PCDH11Y: variants seen among roughly 807,000 people sequenced by gnomAD.
PCDH11Y encodes protocadherin 11 Y-linked.
For missense variants in PCDH11Y, 12 were observed against 224.8 expected, an observed-to-expected ratio of 0.05 and a Z score of 6.05; for synonymous variants, 9 against 83.6, an observed-to-expected ratio of 0.11 and a Z score of 4.87.
chrY:5,237,337 A>G (rs2052976464), intron 2 of PCDH11Y, among the ~76,000 whole-genome samples: 1 of 33,396 alleles, frequency 3.0e-5, no homozygotes, highest in Non-Finnish European at 7.4e-5. Flanking sequence ...TAAAACGAAT[A>G]TTCAAAAAAG....
chrY:5,507,603 T>C, intron 3 of PCDH11Y, among the ~76,000 whole-genome samples: 1 of 32,672 alleles, frequency 3.1e-5, no homozygotes, highest in Non-Finnish European at 7.6e-5. Context: ...TAATATGGAT[T>C]AGATAGAGGT....
intron 3 of PCDH11Y, among the ~76,000 whole-genome samples, chrY:5,032,984 T>A: frequency 3.1e-5 from 1 of 32,398 alleles, no homozygotes; most frequent in Non-Finnish European, 7.6e-5. Context: ...TAAGCATAAT[T>A]TACCTAGATT....
intron 2 of PCDH11Y, among the ~76,000 whole-genome samples, chrY:5,392,440 A>AT (rs2053222472): frequency 3.0e-5 from 1 of 33,161 alleles, no homozygotes; most frequent in South Asian, 6.6e-4. Context: ...GTGCAAAAAA[A>AT]CAGGCAAACT....
rs530095807 is a variant in PCDH11Y at position 5,474,988 on chromosome Y, A to G, written c.3130-26069A>G. ...TATTGTTCATTGTTAGTGTTTAGAAACCTAACTGATTTTTAGGTTCTGATT... is the reference window on the plus strand; with the variant it reads ...TATTGTTCATTGTTAGTGTTTAGAAGCCTAACTGATTTTTAGGTTCTGATT... On this transcript the variant is annotated intron_variant, in intron 2 of 4. Transcript: ENST00000400457. Among the ~76,000 whole-genome samples, 189 of 32,501 alleles carry G rather than the reference A, an allele frequency of 5.8e-3. No homozygotes were observed. The South Asian group carries it at 0.12, about 21-fold the overall frequency. The allele number at this position is 32,501 out of a possible 37,273, so 87.2% of individuals were successfully genotyped here.
At chrY:5,584,336 T>A in intron 4 of PCDH11Y, among the ~76,000 whole-genome samples, 1 of 31,427 alleles carries the variant, frequency 3.2e-5, no homozygotes. Flanking sequence ...TTTGCTAATA[T>A]TTTGTTGAAG....
At chrY:5,426,453 A>ACCTTT (rs2053263258) in intron 2 of PCDH11Y, among the ~76,000 whole-genome samples, 1 of 33,015 alleles carries the variant, frequency 3.0e-5, no homozygotes, top group Non-Finnish European at 7.5e-5. Flanking sequence ...ATAGTTGATT[A>ACCTTT]CCTTTTAAAA....
intron 3 of PCDH11Y, among the ~76,000 whole-genome samples, chrY:5,558,068 G>C: frequency 5.9e-5 from 2 of 33,821 alleles, no homozygotes; most frequent in African/African-American, 2.3e-4. Flanking sequence ...TTAACTTTTT[G>C]ATGTGCTGTC....
intron 3 of PCDH11Y, among the ~76,000 whole-genome samples, chrY:5,519,315 A>G (rs1341611118): frequency 1.4e-4 from 4 of 28,376 alleles, no homozygotes; most frequent in Non-Finnish European, 2.5e-4. Flanking sequence ...GCGTGAACCC[A>G]GGAGGCGGAG....
At chrY:5,561,044 T>A (rs2053428270) in intron 3 of PCDH11Y, among the ~76,000 whole-genome samples, 1 of 32,798 alleles carries the variant, frequency 3.0e-5, no homozygotes, top group South Asian at 7.2e-4. Context: ...GGAACCCACT[T>A]CTTGCATCAG....
At chrY:5,732,569 G>GT (rs2053605790) in intron 4 of PCDH11Y, among the ~76,000 whole-genome samples, 13 of 29,749 alleles carry the variant, frequency 4.4e-4, no homozygotes, top group African/African-American at 2.6e-4. Context: ...TGTTGTTGTT[G>GT]TGTGTGTGTG....
chrY:5,520,743 T>A, intron 3 of PCDH11Y, among the ~76,000 whole-genome samples: 1 of 30,453 alleles, frequency 3.3e-5, no homozygotes, highest in Non-Finnish European at 7.8e-5. Context: ...GACACCATAT[T>A]TTAATTGTTC....
chrY:5,526,210 CAAG>C (rs2053387758), intron 3 of PCDH11Y, among the ~76,000 whole-genome samples: 1 of 32,505 alleles, frequency 3.1e-5, no homozygotes, highest in Non-Finnish European at 7.5e-5. Flanking sequence ...CCAAATAAAG[CAAG>C]AAGATTTGCA....
intron 4 of PCDH11Y, among the ~76,000 whole-genome samples, chrY:5,689,897 C>CA (rs2053566671): frequency 4.2e-5 from 1 of 23,706 alleles, no homozygotes; most frequent in African/African-American, 1.7e-4. Context: ...TTCCAACTCT[C>CA]AAACAGCTCA....
At chrY:5,740,643 A>G in exon 5 of PCDH11Y, 1 of 33,233 alleles carries the variant, frequency 3.0e-5, no homozygotes, top group Admixed American at 2.8e-4. Flanking sequence ...AGATCTGATG[A>G]TATCTTTTTC....
intron 3 of PCDH11Y, among the ~76,000 whole-genome samples, chrY:5,038,214 A>G: frequency 3.1e-5 from 1 of 32,677 alleles, no homozygotes; most frequent in African/African-American, 1.2e-4. Context: ...GTTAGAAAAC[A>G]GTGGCTTGCA....
chrY:5,625,229 T>C, intron 4 of PCDH11Y, among the ~76,000 whole-genome samples: 10 of 31,911 alleles, frequency 3.1e-4, no homozygotes. Flanking sequence ...TTACCAGATA[T>C]GGGAACTTTT....
chrY:5,002,693 C>T (rs2124616963), intron 1 of PCDH11Y: 1 of 33,685 alleles, frequency 3.0e-5, no homozygotes, highest in Admixed American at 2.6e-4. Context: ...TCTAGTTCAT[C>T]ATAGAGAGAG....
chrY:5,664,696 G>A (rs2053543671), intron 4 of PCDH11Y, among the ~76,000 whole-genome samples: 1 of 28,891 alleles, frequency 3.5e-5, no homozygotes, highest in Non-Finnish European at 8.2e-5. Context: ...TCCGCTTCCC[G>A]GGTTCATGTG....
At chrY:5,612,697 T>C in intron 4 of PCDH11Y, among the ~76,000 whole-genome samples, 2 of 31,886 alleles carry the variant, frequency 6.3e-5, no homozygotes, top group Non-Finnish European at 1.5e-4. Context: ...ACATCTTTTT[T>C]TTTTTTGGTC....
Sources: gnomAD v4.1 joint callset for allele counts (sites outside exome capture counted in the v4.1 genomes callset) on GRCh38, gnomAD v4.1.1 for gene constraint, MANE v1.5 for transcripts, NCBI Gene and HGNC (gene_info 2026-07-23, HGNC 2026-07-21) for gene names.